The following TMEM38B variants were observed in gnomAD, a reference collection of about 807,000 sequenced individuals.
TMEM38B encodes the protein trimeric intracellular cation channel type B.
In TMEM38B, 24 loss-of-function variants were observed where a neutral mutation model predicts 28.7. The ratio of observed to expected loss-of-function variants is 0.84; its 90% CI spans 0.61 to 1.18. The LOEUF (loss-of-function observed/expected upper bound fraction) is 1.18. TMEM38B is among the 50% of genes most tolerant of loss of function. The pLI is 0.00. For missense variants in TMEM38B, 380 were observed against 350.9 expected, an observed-to-expected ratio of 1.08 and a Z score of -0.66; for synonymous variants, 131 against 127.7, an observed-to-expected ratio of 1.03 and a Z score of -0.17.
intron 5 of TMEM38B, among the ~76,000 whole-genome samples, chr9:105,772,607 T>G (rs900399506): frequency 6.6e-5 from 10 of 152,142 alleles, no homozygotes; most frequent in Admixed American, 6.6e-4. Flanking sequence ...GACTGAGTCC[T>G]GATATAAGCT....
At chr9:105,765,559 A>G (rs905560646) in intron 5 of TMEM38B, among the ~76,000 whole-genome samples, 1 of 152,126 alleles carries the variant, frequency 6.6e-6, no homozygotes, top group Non-Finnish European at 1.5e-5. Context: ...ATCACTACAG[A>G]TTAGTGTTTT....
chr9:105,768,074 T>C (rs1314077978), intron 5 of TMEM38B, among the ~76,000 whole-genome samples: 1 of 152,168 alleles, frequency 6.6e-6, no homozygotes, highest in Non-Finnish European at 1.5e-5. Context: ...ATCTTATAGA[T>C]ATCCTTTATG....
At chr9:105,710,816 G>T (rs1835873733) in intron 2 of TMEM38B, 1 of 420,430 alleles carries the variant, frequency 2.4e-6, no homozygotes, top group Non-Finnish European at 4.6e-6. Flanking sequence ...GCACTAACGG[G>T]CCCAGCAAAC....
chr9:105,729,839 A>G (rs538304555), intron 4 of TMEM38B, among the ~76,000 whole-genome samples: 2 of 152,044 alleles, frequency 1.3e-5, no homozygotes, highest in South Asian at 4.2e-4. Flanking sequence ...TTCTCTTTGT[A>G]GTAATTGTGA....
intron 4 of TMEM38B, among the ~76,000 whole-genome samples, chr9:105,724,274 A>C (rs1253204069): frequency 6.6e-6 from 1 of 152,210 alleles, no homozygotes; most frequent in Non-Finnish European, 1.5e-5. Context: ...GTGAGGAAAG[A>C]CTTCATGTAA....
chr9:105,731,796 A>G (rs1482417077), intron 4 of TMEM38B, among the ~76,000 whole-genome samples: 1 of 152,196 alleles, frequency 6.6e-6, no homozygotes, highest in Non-Finnish European at 1.5e-5. Flanking sequence ...TAGCAGCATG[A>G]TTTATAATCC....
At position 105,729,159 on chromosome 9, in the gene TMEM38B, C is replaced by T. The variant is rs577824615; in HGVS notation, c.542+6538C>T. On this transcript the variant is annotated intron_variant, in intron 4 of 5. Coordinates refer to ENST00000374692, the MANE Select transcript of TMEM38B (RefSeq NM_018112.3). ...TTTAGTCATGAAGTCTTTGCCCATG[C>T]CTATGTCCTGAATGGCATTGCCTAG... Among the ~76,000 whole-genome samples, 9 of 152,296 alleles carry T rather than the reference C, an allele frequency of 5.9e-5. No homozygotes were observed. In the South Asian group the frequency reaches 1.9e-3, roughly 32 times the overall value.
At chr9:105,759,842 G>C in intron 5 of TMEM38B, 1 of 1,595,018 alleles carries the variant, frequency 6.3e-7, no homozygotes, top group Non-Finnish European at 8.5e-7. Flanking sequence ...CAGCTTTGTA[G>C]GTCTCAGAGT....
chr9:105,716,874 A>G (rs1429013064), intron 2 of TMEM38B, among the ~76,000 whole-genome samples: 1 of 152,218 alleles, frequency 6.6e-6, no homozygotes, highest in Non-Finnish European at 1.5e-5. Context: ...TGAAAAAATT[A>G]TGTAATACAT....
chr9:105,749,221 C>T, intron 5 of TMEM38B: 1 of 634,014 alleles, frequency 1.6e-6, no homozygotes, highest in Non-Finnish European at 2.3e-6. Context: ...ATTTTCCATA[C>T]TGTGTTAGTC....
At chr9:105,699,118 C>T (rs1835377971) in intron 1 of TMEM38B, among the ~76,000 whole-genome samples, 1 of 152,026 alleles carries the variant, frequency 6.6e-6, no homozygotes, top group Admixed American at 6.6e-5. Flanking sequence ...TCTTCTAACT[C>T]ATTTTGAATA....
intron 4 of TMEM38B, among the ~76,000 whole-genome samples, chr9:105,730,501 T>C (rs1836697665): frequency 6.6e-6 from 1 of 152,222 alleles, no homozygotes; most frequent in Non-Finnish European, 1.5e-5. Context: ...TTTCCATCCA[T>C]GTTCATCAGG....
At chr9:105,728,727 C>T (rs1445480199) in intron 4 of TMEM38B, among the ~76,000 whole-genome samples, 1 of 152,214 alleles carries the variant, frequency 6.6e-6, no homozygotes, top group Non-Finnish European at 1.5e-5. Flanking sequence ...TCTCCACATC[C>T]TCTCCAGCAT....
At chr9:105,696,430 C>G (rs560200383) in intron 1 of TMEM38B, among the ~76,000 whole-genome samples, 6 of 152,106 alleles carry the variant, frequency 3.9e-5, no homozygotes, top group Non-Finnish European at 8.8e-5. Flanking sequence ...CTGGGAGGCG[C>G]CTGCCACCAA....
chr9:105,767,719 A>T (rs1826421153), intron 5 of TMEM38B, among the ~76,000 whole-genome samples: 1 of 152,162 alleles, frequency 6.6e-6, no homozygotes, highest in African/African-American at 2.4e-5. Flanking sequence ...AGTTTTTCAA[A>T]TTTCAATTTG....
intron 4 of TMEM38B, among the ~76,000 whole-genome samples, chr9:105,724,028 G>T (rs965957987): frequency 1.3e-4 from 19 of 151,738 alleles, no homozygotes; most frequent in Admixed American, 1.2e-3. Flanking sequence ...TTGAGATGTG[G>T]TTTCACCATG....
At chr9:105,729,237 C>A (rs112796815) in intron 4 of TMEM38B, among the ~76,000 whole-genome samples, 201 of 152,226 alleles carry the variant, frequency 1.3e-3, no homozygotes, top group African/African-American at 4.6e-3. Flanking sequence ...GTCTTTAATC[C>A]ATCTTGAATT....
rs997445606 is a variant in TMEM38B at position 105,748,049 on chromosome 9, A to T, written c.543-24A>T. 5 of 1,501,790 alleles carry T rather than the reference A, an allele frequency of 3.3e-6. No individual in the cohort carries two copies. In the African/African-American group the frequency reaches 4.1e-5, roughly 12 times the overall value. 93.0% of individuals were successfully genotyped at this position (1,501,790 alleles called of 1,614,324 possible). A position where few individuals can be genotyped will look rare whatever the true frequency, so the allele number is the denominator to read the frequency against. On this transcript the variant is annotated intron_variant, in intron 4 of 5. Coordinates refer to ENST00000374692, the MANE Select transcript of TMEM38B (RefSeq NM_018112.3). ...GATATGTCATATTTATTACTTGCTGATTTAAAATGTGTTTTATTTTCAGCC... is the reference window on the plus strand; with the variant it reads ...GATATGTCATATTTATTACTTGCTGTTTTAAAATGTGTTTTATTTTCAGCC...
chr9:105,760,306 G>C, intron 5 of TMEM38B: 1 of 778,036 alleles, frequency 1.3e-6, no homozygotes, highest in African/African-American at 1.7e-5. Flanking sequence ...AGTGGATCTT[G>C]ATAAGCTTCT....
Sources: allele counts gnomAD v4.1 joint callset (sites outside exome capture counted in the v4.1 genomes callset), GRCh38; gene constraint gnomAD v4.1.1; transcripts MANE v1.5; gene names NCBI Gene and HGNC (gene_info 2026-07-23, HGNC 2026-07-21).